Variants in HOMER1 observed in about 807,000 individuals in gnomAD.
HOMER1 encodes the protein homer scaffold protein 1.
HOMER1 carries 3 observed loss-of-function variants against 48.9 expected under a neutral mutation model. That is an observed-to-expected ratio of 0.06 (90% confidence interval 0.03 to 0.16). HOMER1 has a LOEUF of 0.16. Among genes scored for constraint, HOMER1 ranks in the 10% least tolerant of loss-of-function variants. The pLI is 1.00. For synonymous variants in HOMER1, 134 were observed against 146.4 expected (o/e 0.92, Z 0.61); for missense variants, 247 against 411.4 (o/e 0.60, Z 3.46).
At chr5:79,473,422 A>T (rs1190568926) in intron 1 of HOMER1, among the ~76,000 whole-genome samples, 2 of 152,210 alleles carry the variant, frequency 1.3e-5, no homozygotes, top group Non-Finnish European at 2.9e-5. Context: ...GGAAGCCAAA[A>T]GATTGGACAC....
intron 1 of HOMER1, among the ~76,000 whole-genome samples, chr5:79,490,239 A>G (rs1325002927): frequency 1.3e-5 from 2 of 152,228 alleles, no homozygotes; most frequent in African/African-American, 4.8e-5. Flanking sequence ...TAATGCTACC[A>G]TAAGAATTTA....
chr5:79,381,054 C>T (rs1748957577), intron 8 of HOMER1, among the ~76,000 whole-genome samples: 2 of 151,996 alleles, frequency 1.3e-5, no homozygotes, highest in Non-Finnish European at 2.9e-5. Flanking sequence ...AATCAGCTTG[C>T]CTGGAACTGC....
rs139706696 is a variant in HOMER1, at chr5:79,411,162, C to A, written c.528-9107G>T. Among the ~76,000 whole-genome samples the A allele has an allele frequency of 1.4e-4, 22 of 152,290 alleles. No homozygotes were observed. In the East Asian group the frequency reaches 4.2e-3, roughly 29 times the overall value. On this transcript the variant is annotated intron_variant, in intron 5 of 8. Coordinates refer to ENST00000334082, the MANE Select transcript of HOMER1 (RefSeq NM_004272.5). ...AACACCATTTGAAAGGTTCCTTAAA[C>A]TGGAATTTTACAGTTTTTCCCTATC...
At chr5:79,507,235 A>AC (rs1752803357) in intron 1 of HOMER1, among the ~76,000 whole-genome samples, 1 of 141,894 alleles carries the variant, frequency 7.0e-6, no homozygotes, top group African/African-American at 2.6e-5. Context: ...AAAAAAAAAA[A>AC]CCAAAACAAA....
At chr5:79,460,855 G>C (rs1751300900) in intron 1 of HOMER1, among the ~76,000 whole-genome samples, 1 of 152,200 alleles carries the variant, frequency 6.6e-6, no homozygotes, top group Non-Finnish European at 1.5e-5. Flanking sequence ...TGATGTATAA[G>C]ACAAAGAAGG....
Position 79,391,144 on chromosome 5 carries a change from T to G in HOMER1, c.876+5679A>C, listed in dbSNP as rs2404148. The stretch of plus-strand genomic sequence containing the variant: ...AAAATTTTGTGGGTTTTTTTTTTGT[T>G]TTTTTTTTTTTTGAGATAGGTCTTG... On this transcript the variant is annotated intron_variant, in intron 8 of 8. Coordinates refer to ENST00000334082, the MANE Select transcript of HOMER1 (RefSeq NM_004272.5). Among the ~76,000 whole-genome samples the G allele has an allele frequency of 8.1e-3, 403 of 49,716 alleles. 4 individuals carry two copies. The African/African-American group carries it at 0.1, about 13-fold the overall frequency. The allele number at this position is 49,716 out of a possible 152,430, so 32.6% of individuals were successfully genotyped here. A position where few individuals can be genotyped will look rare whatever the true frequency, so the allele number is the denominator to read the frequency against.
Position 79,418,733 on chromosome 5 carries a change from T to C in HOMER1, c.528-16678A>G, listed in dbSNP as rs77209608. On this transcript the variant is annotated intron_variant, in intron 5 of 8. Transcript: ENST00000334082. The stretch of plus-strand genomic sequence containing the variant: ...TAATGGATGGGTACTTTGTCTTCCA[T>C]ACCACAGCAATATTAAGACGCCCAC... Among the ~76,000 whole-genome samples the C allele has an allele frequency of 7.0e-3, 1,063 of 152,332 alleles. 3 individuals carry two copies. The highest frequency in any genetic ancestry group is 0.031 in the Middle Eastern group (9 of 294).
chr5:79,425,755 C>A (rs1750231117), intron 5 of HOMER1, among the ~76,000 whole-genome samples: 1 of 151,886 alleles, frequency 6.6e-6, no homozygotes, highest in Non-Finnish European at 1.5e-5. Context: ...TTACTAGTAT[C>A]CATTCTCTGT....
chr5:79,453,706 C>T (rs1751090218), intron 2 of HOMER1, among the ~76,000 whole-genome samples: 1 of 152,138 alleles, frequency 6.6e-6, no homozygotes, highest in African/African-American at 2.4e-5. Flanking sequence ...CTTGACCATG[C>T]TGAGGTCTCT....
chr5:79,414,349 C>A (rs1247497585), intron 5 of HOMER1, among the ~76,000 whole-genome samples: 18 of 151,604 alleles, frequency 1.2e-4, no homozygotes. Context: ...CCCTCCTCAG[C>A]CTCCCAACAG....
rs372881437 is a variant in HOMER1 at position 79,410,698 on chromosome 5, GA to G, written c.528-8644del. 5.6e-3 allele frequency among the ~76,000 whole-genome samples: 800 copies of G among 143,932 alleles called. 5 individuals carry two copies. The highest frequency in any genetic ancestry group is 0.016 in the African/African-American group (643 of 39,270). 94.4% of individuals were successfully genotyped at this position (143,932 alleles called of 152,430 possible). A position where few individuals can be genotyped will look rare whatever the true frequency, so the allele number is the denominator to read the frequency against. ...TCTCAATAGTTTGCACATTAATTTT[GA>G]AAAAAAAAAAGTTCCTTTCTTTAAT... On this transcript the variant is annotated intron_variant, in intron 5 of 8. Coordinates refer to ENST00000334082, the MANE Select transcript of HOMER1 (RefSeq NM_004272.5).
chr5:79,427,068 C>G (rs1470168192), intron 5 of HOMER1, among the ~76,000 whole-genome samples: 1 of 152,090 alleles, frequency 6.6e-6, no homozygotes, highest in African/African-American at 2.4e-5. Flanking sequence ...GGTTAATATA[C>G]AAGTATGCTG....
chr5:79,500,769 C>T (rs1198965001), intron 1 of HOMER1, among the ~76,000 whole-genome samples: 6 of 148,008 alleles, frequency 4.1e-5, no homozygotes, highest in African/African-American at 1.0e-4. Context: ...GGACTACAGG[C>T]GTGCGCTACC....
intron 1 of HOMER1, among the ~76,000 whole-genome samples, chr5:79,504,769 T>TA (rs1752702067): frequency 6.6e-6 from 1 of 152,212 alleles, no homozygotes; most frequent in Admixed American, 6.5e-5. Context: ...AAAATTTACT[T>TA]AGAAAAATTA....
At chr5:79,441,718 T>C (rs1401870407) in intron 4 of HOMER1, among the ~76,000 whole-genome samples, 2 of 152,092 alleles carry the variant, frequency 1.3e-5, no homozygotes, top group Non-Finnish European at 2.9e-5. Flanking sequence ...AAAATTAGTA[T>C]TTACTGATGA....
intron 4 of HOMER1, among the ~76,000 whole-genome samples, chr5:79,440,638 G>A (rs1750712654): frequency 6.6e-6 from 1 of 152,092 alleles, no homozygotes; most frequent in African/African-American, 2.4e-5. Flanking sequence ...TGAATAATGG[G>A]AATAGCAATC....
rs1047609747 is a variant in HOMER1 at position 79,373,408 on chromosome 5, T to A, written c.*2601A>T. 1 of 151,982 alleles carries A rather than the reference T, an allele frequency of 6.6e-6. No individual in the cohort carries two copies. The highest frequency in any genetic ancestry group is 1.5e-5 in the Non-Finnish European group (1 of 67,928). The allele number at this position is 151,982 out of a possible 1,614,324, so 9.4% of individuals were successfully genotyped here. A position where few individuals can be genotyped will look rare whatever the true frequency, so the allele number is the denominator to read the frequency against. On this transcript the variant is annotated 3_prime_UTR_variant, in exon 9 of 9. Transcript: ENST00000334082. ...TCCTCCATGTCGCTTCAAGTCCACATGTTCAGGCTATAGTCCCCAACATTA... is the reference window on the plus strand; with the variant it reads ...TCCTCCATGTCGCTTCAAGTCCACAAGTTCAGGCTATAGTCCCCAACATTA...
intron 5 of HOMER1, among the ~76,000 whole-genome samples, chr5:79,415,250 G>C (rs1189334348): frequency 1.3e-5 from 2 of 151,256 alleles, no homozygotes; most frequent in East Asian, 3.9e-4. Context: ...TGTAGAGACA[G>C]GGTTTCTCTA....
chr5:79,414,883 G>A lies in HOMER1; in HGVS notation c.528-12828C>T, dbSNP rs184825002. 2.0e-5 allele frequency among the ~76,000 whole-genome samples: 3 copies of A among 152,254 alleles called. No homozygotes were observed. The East Asian group carries it at 5.8e-4, about 29-fold the overall frequency. The stretch of plus-strand genomic sequence containing the variant: ...CAATATAGTTGGCTATAGGTAAACA[G>A]ATTGAGATATATGTTGACTGATGAA... On this transcript the variant is annotated intron_variant, in intron 5 of 8. Coordinates refer to ENST00000334082, the MANE Select transcript of HOMER1 (RefSeq NM_004272.5).
Sources: gnomAD v4.1 joint callset for allele counts (sites outside exome capture counted in the v4.1 genomes callset) on GRCh38, gnomAD v4.1.1 for gene constraint, MANE v1.5 for transcripts, NCBI Gene and HGNC (gene_info 2026-07-23, HGNC 2026-07-21) for gene names.